The following WWC2 variants were observed in gnomAD, a reference collection of about 807,000 sequenced individuals.
The protein encoded by WWC2 is protein WWC2.
In WWC2, 101 loss-of-function variants were observed where a neutral mutation model predicts 138.5. The ratio of observed to expected loss-of-function variants is 0.73; its 90% CI spans 0.62 to 0.86. The LOEUF (loss-of-function observed/expected upper bound fraction) is 0.86. Among genes scored for constraint, WWC2 ranks in the 40% least tolerant of loss-of-function variants. The pLI, the probability that WWC2 is intolerant of heterozygous loss-of-function variation, is 0.00. For missense variants in WWC2, 1,420 were observed against 1,419.4 expected (o/e 1.00, Z -0.01); for synonymous variants, 558 against 538.4 (o/e 1.04, Z -0.50).
In WWC2 at chr4:183,256,900, C is replaced by A. The variant is rs866337329; in HGVS notation, c.1197-2739C>A. ...GATCCTACAGCCCCCCCCCCCCCCC[C>A]CCCGGCTCTGTTCCTGCCCCCACAG... On this transcript the variant is annotated intron_variant, in intron 9 of 22. Coordinates refer to ENST00000403733, the MANE Select transcript of WWC2 (RefSeq NM_024949.6). 5.0e-5 allele frequency among the ~76,000 whole-genome samples: 5 copies of A among 99,414 alleles called. No homozygotes were observed. In the South Asian group the frequency reaches 2.0e-3, roughly 39 times the overall value. The allele number at this position is 99,414 out of a possible 152,430, so 65.2% of individuals were successfully genotyped here.
Position 183,248,843 on chromosome 4 carries a change from A to T in WWC2, c.862A>T (p.Thr288Ser). The change falls in exon 7 of 23, where the codon ACA becomes TCA. Residue 288 changes from threonine (T) to serine (S), a missense_variant. Thr to Ser is a moderately conservative substitution (Grantham distance 58, BLOSUM62 1). Transcript: ENST00000403733. ...SRQTLDAGSQ[T>S]SISGDIGVRS... ...ACAGACCCTTGATGCTGGGTCACAAACAAGCATTTCCGGAGATGTAAGTTA... is the reference window on the plus strand; with the variant it reads ...ACAGACCCTTGATGCTGGGTCACAATCAAGCATTTCCGGAGATGTAAGTTA... 6.3e-7 allele frequency: 1 copy of T among 1,598,862 alleles called. No homozygotes were observed. The highest frequency in any genetic ancestry group is 8.5e-7 in the Non-Finnish European group (1 of 1,171,122).
At chr4:183,121,589 C>G (rs1732602889) in intron 1 of WWC2, among the ~76,000 whole-genome samples, 1 of 152,014 alleles carries the variant, frequency 6.6e-6, no homozygotes, top group African/African-American at 2.4e-5. Flanking sequence ...TCAAATTGTT[C>G]TTTATGGAGG....
intron 1 of WWC2, among the ~76,000 whole-genome samples, chr4:183,170,921 C>A (rs558663295): frequency 6.6e-6 from 1 of 151,944 alleles, no homozygotes; most frequent in African/African-American, 2.4e-5. Flanking sequence ...TTCAAGTGAT[C>A]CTCCTGCCTC....
intron 4 of WWC2, among the ~76,000 whole-genome samples, chr4:183,213,306 A>T (rs925177320): frequency 3.5e-4 from 53 of 152,320 alleles, no homozygotes; most frequent in African/African-American, 1.3e-3. Context: ...AGATTTTGAT[A>T]ATCTGGCCCT....
In WWC2 at chr4:183,284,253, G is replaced by A. The variant is rs748067529; in HGVS notation, c.2911G>A (p.Ala971Thr). 3.7e-6 allele frequency: 6 copies of A among 1,613,948 alleles called. No individual in the cohort carries two copies. In the East Asian group the frequency reaches 1.1e-4, roughly 30 times the overall value. ...TGACAAAGAGACAAACACTGATGAAGCCGCTAATGACAATATGGCAGTTCG... is the reference window on the plus strand; with the variant it reads ...TGACAAAGAGACAAACACTGATGAAACCGCTAATGACAATATGGCAGTTCG... ...LVDKETNTDE[A>T]ANDNMAVRPK... Residue 971 changes from alanine to threonine, a missense_variant, in exon 19 of 23, where the codon GCC (alanine) becomes ACC (threonine). Transcript: ENST00000403733.
chr4:183,195,259 A>T (rs1735104846), intron 2 of WWC2, among the ~76,000 whole-genome samples: 1 of 152,250 alleles, frequency 6.6e-6, no homozygotes, highest in Non-Finnish European at 1.5e-5. Flanking sequence ...TGCTTATTTT[A>T]GATGAATAAT....
At chr4:183,133,883 T>C (rs1211629708) in intron 1 of WWC2, among the ~76,000 whole-genome samples, 1 of 152,224 alleles carries the variant, frequency 6.6e-6, no homozygotes, top group African/African-American at 2.4e-5. Context: ...TTCTAGACTC[T>C]GGAATTGTTG....
At chr4:183,116,267 A>G (rs1732405816) in intron 1 of WWC2, among the ~76,000 whole-genome samples, 1 of 152,208 alleles carries the variant, frequency 6.6e-6, no homozygotes, top group Non-Finnish European at 1.5e-5. Flanking sequence ...GATGATGATG[A>G]TGACAAGTAC....
chr4:183,231,695 G>C (rs1419125008), intron 4 of WWC2, among the ~76,000 whole-genome samples: 1 of 152,072 alleles, frequency 6.6e-6, no homozygotes, highest in East Asian at 1.9e-4. Flanking sequence ...TTTTGTTACT[G>C]TTTTGGTTTT....
At chr4:183,292,986 C>G (rs142530723) in intron 21 of WWC2, among the ~76,000 whole-genome samples, 15 of 152,318 alleles carry the variant, frequency 9.8e-5, no homozygotes, top group Admixed American at 9.8e-4. Flanking sequence ...GTGTTTCTTT[C>G]GCTCTGTTAC....
intron 4 of WWC2, among the ~76,000 whole-genome samples, chr4:183,215,238 T>G (rs1735722207): frequency 6.6e-6 from 1 of 152,256 alleles, no homozygotes; most frequent in Non-Finnish European, 1.5e-5. Context: ...GTTATGTGGA[T>G]GTGGTCTCTC....
intron 5 of WWC2, among the ~76,000 whole-genome samples, 166 bp from the exon 6 acceptor site, chr4:183,245,242 AAAAAAAAG>A (rs1359439281): frequency 4.1e-4 from 62 of 151,006 alleles, no homozygotes; most frequent in African/African-American, 1.5e-3. Flanking sequence ...AAAAAAAAAA[AAAAAAAAG>A]AGAGAGAAAG....
intron 5 of WWC2, among the ~76,000 whole-genome samples, chr4:183,242,377 C>T (rs1736650134): frequency 6.6e-6 from 1 of 152,130 alleles, no homozygotes; most frequent in South Asian, 2.1e-4. Context: ...TTTGTTGAAT[C>T]TGGAATTATA....
intron 15 of WWC2, chr4:183,269,715 T>C (rs1193053922): frequency 2.8e-6 from 1 of 353,690 alleles, no homozygotes; most frequent in Non-Finnish European, 5.6e-6. Flanking sequence ...GCAAGACCAC[T>C]GAGTACTATA....
Position 183,099,502 on chromosome 4 carries a change from G to C in WWC2, c.11G>C (p.Arg4Thr). Residue 4 changes from arginine to threonine, a missense_variant, in exon 1 of 23, where the codon AGG becomes ACG. By Grantham distance (71) the Arg-to-Thr change is moderately conservative. Coordinates refer to ENST00000403733, the MANE Select transcript of WWC2 (RefSeq NM_024949.6). MPR[R>T]AGSGQLPLPR... Reference sequence around the variant, plus strand: ...GCGAGGCCGCCGACCATGCCTAGGAGGGCCGGGAGCGGTCAGCTGCCGCTG... The same window carrying C: ...GCGAGGCCGCCGACCATGCCTAGGACGGCCGGGAGCGGTCAGCTGCCGCTG... The C allele has an allele frequency of 7.3e-7, 1 of 1,371,026 alleles. No homozygotes were observed. Among genetic ancestry groups the C allele is most frequent in the Non-Finnish European group, 9.6e-7 (1 of 1,046,232 alleles). The allele number at this position is 1,371,026 out of a possible 1,614,324, so 84.9% of individuals were successfully genotyped here.
At chr4:183,252,937 A>G (rs1245223084) in intron 8 of WWC2, among the ~76,000 whole-genome samples, 1 of 152,102 alleles carries the variant, frequency 6.6e-6, no homozygotes, top group East Asian at 1.9e-4. Context: ...TGGCGCAGTT[A>G]TGGCTCACTG....
chr4:183,099,550 G>T lies in WWC2; in HGVS notation c.59G>T (p.Arg20Met). Reference protein sequence around the residue: ...LPLPRGWEEARDYDGKVFYID... With the variant: ...LPLPRGWEEAMDYDGKVFYID... ...CTGCCCCGGGGCTGGGAGGAGGCCA[G>T]GGACTACGACGGCAAGGTCTTCTAC... The change falls in exon 1 of 23, where the codon AGG (arginine) becomes ATG (methionine). Residue 20 changes from arginine (R) to methionine (M), a missense_variant. By Grantham distance (91) the Arg-to-Met change is moderately conservative. Coordinates refer to ENST00000403733, the MANE Select transcript of WWC2 (RefSeq NM_024949.6). 7.0e-7 allele frequency: 1 copy of T among 1,421,282 alleles called. No individual in the cohort carries two copies. 88.0% of individuals were successfully genotyped at this position (1,421,282 alleles called of 1,614,324 possible).
At chr4:183,102,316 A>G (rs778313809) in intron 1 of WWC2, among the ~76,000 whole-genome samples, 19 of 152,202 alleles carry the variant, frequency 1.2e-4, no homozygotes, top group Non-Finnish European at 2.8e-4. Context: ...ATTCCAGTTT[A>G]GGAACTGAGT....
chr4:183,195,626 A>G (rs1735118566), intron 2 of WWC2, among the ~76,000 whole-genome samples: 1 of 152,186 alleles, frequency 6.6e-6, no homozygotes, highest in Admixed American at 6.5e-5. Context: ...TAAACACTGG[A>G]AACTCTCAAA....
Sources: gnomAD v4.1 joint callset for allele counts (sites outside exome capture counted in the v4.1 genomes callset) on GRCh38, gnomAD v4.1.1 for gene constraint, MANE v1.5 for transcripts, NCBI Gene and HGNC (gene_info 2026-07-23, HGNC 2026-07-21) for gene names.